PTPRD: variants seen among roughly 807,000 people sequenced by gnomAD.
The protein encoded by PTPRD is receptor-type tyrosine-protein phosphatase delta.
In PTPRD, 34 loss-of-function variants were observed where a neutral mutation model predicts 214.5. That is an observed-to-expected ratio of 0.16 (90% CI 0.12 to 0.21). PTPRD has a LOEUF of 0.21. Among genes scored for constraint, PTPRD ranks in the 10% least tolerant of loss-of-function variants. PTPRD has a pLI of 1.00. For missense variants in PTPRD, 2,545 were observed against 2,398.7 expected (o/e 1.06, Z -1.27); for synonymous variants, 1,128 against 845.7 (o/e 1.33, Z -5.79).
chr9:9,695,813 G>A (rs1417558861), intron 7 of PTPRD, among the ~76,000 whole-genome samples: 3 of 152,122 alleles, frequency 2.0e-5, no homozygotes, highest in Admixed American at 6.6e-5. Flanking sequence ...ATATTTTGTT[G>A]AGGATGTTTA....
chr9:9,379,438 A>G (rs10435827), intron 9 of PTPRD, among the ~76,000 whole-genome samples: 35,428 of 151,512 alleles, frequency 0.23, 4,187 homozygotes, highest in Middle Eastern at 0.37. Flanking sequence ...CGATTACTGT[A>G]GCTTTGTATT....
chr9:10,284,779 G>GGA (rs56899116), intron 3 of PTPRD, among the ~76,000 whole-genome samples: 12,752 of 150,826 alleles, frequency 0.085, 830 homozygotes, highest in East Asian at 0.19. Context: ...AAGGCCAGGA[G>GGA]GAGAGAGAGA....
intron 5 of PTPRD, among the ~76,000 whole-genome samples, chr9:9,860,943 G>C (rs112595236): frequency 9.4e-4 from 143 of 152,228 alleles, no homozygotes; most frequent in African/African-American, 3.3e-3. Flanking sequence ...TGCAGTTTTG[G>C]GAAAAAGCTA....
At chr9:10,461,498 A>G (rs2098958440) in intron 2 of PTPRD, among the ~76,000 whole-genome samples, 1 of 152,108 alleles carries the variant, frequency 6.6e-6, no homozygotes. Context: ...AACATTATTC[A>G]GCCTTTTGCA....
At chr9:9,917,192 A>G (rs2081108098) in intron 5 of PTPRD, among the ~76,000 whole-genome samples, 1 of 151,010 alleles carries the variant, frequency 6.6e-6, no homozygotes, top group Admixed American at 6.6e-5. Flanking sequence ...AAGGAAGAAT[A>G]AAGATCAAGC....
chr9:8,468,186 G>A (rs2096581172), intron 31 of PTPRD, among the ~76,000 whole-genome samples: 2 of 151,946 alleles, frequency 1.3e-5, no homozygotes, highest in Admixed American at 6.6e-5. Context: ...AGTCAAACCT[G>A]GAGCATCACT....
intron 3 of PTPRD, among the ~76,000 whole-genome samples, chr9:10,200,628 C>A (rs551374260): frequency 6.6e-6 from 1 of 152,046 alleles, no homozygotes; most frequent in African/African-American, 2.4e-5. Flanking sequence ...CTCAAGGAGG[C>A]AAATAAACAG....
chr9:10,542,630 T>C lies in PTPRD; in HGVS notation c.-600+69768A>G, dbSNP rs149271668. 9.2e-5 allele frequency among the ~76,000 whole-genome samples: 14 copies of C among 152,326 alleles called. 1 individual carries two copies. The East Asian group carries it at 2.7e-3, about 29-fold the overall frequency. On this transcript the variant is annotated intron_variant, in intron 2 of 45. Transcript: ENST00000381196. The stretch of plus-strand genomic sequence containing the variant: ...AGAGTTATAATAGTTGTTGATCACT[T>C]ACCTTTATATTGGTAACACATATAT...
At chr9:9,840,960 A>T (rs2058187980) in intron 5 of PTPRD, among the ~76,000 whole-genome samples, 1 of 152,042 alleles carries the variant, frequency 6.6e-6, no homozygotes, top group African/African-American at 2.4e-5. Context: ...ATAAACTGTG[A>T]GTGATGGTGA....
At chr9:9,210,411 G>A (rs1027590349) in intron 9 of PTPRD, among the ~76,000 whole-genome samples, 8 of 152,018 alleles carry the variant, frequency 5.3e-5, no homozygotes, top group African/African-American at 1.9e-4. Context: ...AAGATACTTT[G>A]GGATTTGAAA....
intron 30 of PTPRD, among the ~76,000 whole-genome samples, chr9:8,476,219 G>T (rs1171224724): frequency 6.6e-6 from 1 of 152,166 alleles, no homozygotes; most frequent in Non-Finnish European, 1.5e-5. Flanking sequence ...TTCCACCTCA[G>T]ATCATCAGGC....
chr9:10,136,649 TCA>T (rs2098946464), intron 3 of PTPRD, among the ~76,000 whole-genome samples: 1 of 124,288 alleles, frequency 8.0e-6, no homozygotes, highest in East Asian at 2.5e-4. Flanking sequence ...GGCAAGGACT[TCA>T]TGTCCAAAAC....
chr9:8,482,592 T>C (rs554284383), intron 30 of PTPRD, among the ~76,000 whole-genome samples: 5 of 152,190 alleles, frequency 3.3e-5, no homozygotes, highest in African/African-American at 7.2e-5. Context: ...GGTAGCACAA[T>C]AGATGCTCAA....
At chr9:9,819,811 G>T (rs553619100) in intron 5 of PTPRD, among the ~76,000 whole-genome samples, 57 of 152,260 alleles carry the variant, frequency 3.7e-4, no homozygotes, top group South Asian at 1.2e-3. Flanking sequence ...CCATGTTGCT[G>T]CAAAGGACAC....
At chr9:9,503,444 T>C (rs2096484696) in intron 8 of PTPRD, among the ~76,000 whole-genome samples, 1 of 151,560 alleles carries the variant, frequency 6.6e-6, no homozygotes, top group South Asian at 2.1e-4. Flanking sequence ...CACATGTCAA[T>C]AGGGGGCTTA....
At chr9:8,868,704 TG>T (rs140305821) in intron 11 of PTPRD, among the ~76,000 whole-genome samples, 7,078 of 152,266 alleles carry the variant, frequency 0.046, 234 homozygotes, top group Non-Finnish European at 0.067. Flanking sequence ...AATGATCCTT[TG>T]GCTGAATTCC....
chr9:8,863,107 GC>G (rs1207869058), intron 11 of PTPRD, among the ~76,000 whole-genome samples: 2 of 152,108 alleles, frequency 1.3e-5, no homozygotes, highest in African/African-American at 4.8e-5. Flanking sequence ...ATAAAGAAAG[GC>G]CTAGAAAAGC....
At chr9:8,650,281 G>A (rs1415246478) in intron 12 of PTPRD, among the ~76,000 whole-genome samples, 2 of 151,828 alleles carry the variant, frequency 1.3e-5, no homozygotes, top group East Asian at 2.0e-4. Context: ...TGTAATCCCA[G>A]CACTTTGGGA....
At position 8,341,796 on chromosome 9, in the gene PTPRD, C is replaced by T. The variant is rs1419892266; in HGVS notation, c.4844G>A (p.Cys1615Tyr). The change falls in exon 40 of 46, where the codon TGT (cysteine) becomes TAT (tyrosine). Residue 1615 changes from cysteine (C) to tyrosine (Y), a missense_variant. By Grantham distance (194) the Cys-to-Tyr change is radical (BLOSUM62 -2). Coordinates refer to ENST00000381196, the MANE Select transcript of PTPRD (RefSeq NM_002839.4). ...IHDALLEAVT[C>Y]GNTEVPARNL... ...TCTAGCTGGCACTTCGGTATTTCCA[C>T]AAGTCACTGCTTCTAACAGTGCATC... 8.1e-6 allele frequency: 13 copies of T among 1,613,610 alleles called. No homozygotes were observed. Among genetic ancestry groups the T allele is most frequent in the Non-Finnish European group, 1.1e-5 (13 of 1,179,728 alleles).
Sources: allele counts gnomAD v4.1 joint callset (sites outside exome capture counted in the v4.1 genomes callset), GRCh38; gene constraint gnomAD v4.1.1; transcripts MANE v1.5; gene names NCBI Gene and HGNC (gene_info 2026-07-23, HGNC 2026-07-21).